TRIM33: variants seen among roughly 807,000 people sequenced by gnomAD.
TRIM33 encodes E3 ubiquitin-protein ligase TRIM33.
TRIM33 carries 20 observed loss-of-function variants against 125.4 expected under a neutral mutation model. That is an observed-to-expected ratio of 0.16 (90% CI 0.11 to 0.23). The LOEUF is 0.23. Among genes scored for constraint, TRIM33 ranks in the 10% least tolerant of loss-of-function variants. The pLI, the probability that TRIM33 is intolerant of heterozygous loss-of-function variation, is 1.00. For missense variants in TRIM33, 920 were observed against 1,411.4 expected (o/e 0.65, Z 5.58); for synonymous variants, 564 against 513.9 (o/e 1.10, Z -1.32).
chr1:114,440,590 T>C (rs778913989), intron 4 of TRIM33, among the ~76,000 whole-genome samples: 7 of 152,170 alleles, frequency 4.6e-5, no homozygotes, highest in Non-Finnish European at 1.0e-4. Context: ...CTTTGAACTT[T>C]TTTTGCTATC....
At chr1:114,499,053 A>G (rs1652554622) in intron 1 of TRIM33, among the ~76,000 whole-genome samples, 1 of 152,258 alleles carries the variant, frequency 6.6e-6, no homozygotes, top group Non-Finnish European at 1.5e-5. Flanking sequence ...TGTACAAAGG[A>G]GTAAAATCAG....
At chr1:114,422,186 T>TA (rs966538185) in intron 10 of TRIM33, among the ~76,000 whole-genome samples, 1 of 152,230 alleles carries the variant, frequency 6.6e-6, no homozygotes, top group African/African-American at 2.4e-5. Flanking sequence ...GAGGATCATT[T>TA]AAGACAATAT....
intron 18 of TRIM33, among the ~76,000 whole-genome samples, chr1:114,399,256 A>G (rs959126503): frequency 2.0e-5 from 3 of 152,126 alleles, no homozygotes; most frequent in African/African-American, 4.8e-5. Context: ...AATATTCTTA[A>G]TTTATTATAT....
intron 1 of TRIM33, among the ~76,000 whole-genome samples, chr1:114,466,774 A>G (rs1226759689): frequency 1.3e-5 from 2 of 152,068 alleles, no homozygotes; most frequent in Non-Finnish European, 2.9e-5. Context: ...GTATCTTTCA[A>G]CTAAATTAGG....
At chr1:114,421,067 C>T (rs1653251986) in intron 11 of TRIM33, among the ~76,000 whole-genome samples, 1 of 152,046 alleles carries the variant, frequency 6.6e-6, no homozygotes, top group South Asian at 2.1e-4. Context: ...GAAATTCTGT[C>T]ATCTTGCAAC....
At chr1:114,485,288 T>A (rs906538004) in intron 1 of TRIM33, among the ~76,000 whole-genome samples, 17 of 150,054 alleles carry the variant, frequency 1.1e-4, no homozygotes, top group South Asian at 1.1e-3. Context: ...ATTTTTTTTT[T>A]AAAACTAAAA....
chr1:114,448,478 A>C (rs1220096452), intron 4 of TRIM33, among the ~76,000 whole-genome samples: 1 of 152,222 alleles, frequency 6.6e-6, no homozygotes, highest in Non-Finnish European at 1.5e-5. Context: ...AGGAATTGAG[A>C]ATGTGACCTA....
chr1:114,407,982 T>A (rs1159463804), intron 13 of TRIM33, among the ~76,000 whole-genome samples: 1 of 152,154 alleles, frequency 6.6e-6, no homozygotes, highest in Non-Finnish European at 1.5e-5. Flanking sequence ...TAAACAATGA[T>A]TATTAACGGT....
intron 4 of TRIM33, among the ~76,000 whole-genome samples, chr1:114,455,167 C>T (rs1649549412): frequency 6.6e-6 from 1 of 152,056 alleles, no homozygotes; most frequent in Non-Finnish European, 1.5e-5. Context: ...AGGTTATTCC[C>T]AAGGGGACAG....
At chr1:114,427,932 T>A (rs759695090) in intron 6 of TRIM33, 38 bp from the exon 7 acceptor site, 2 of 1,603,570 alleles carry the variant, frequency 1.2e-6, no homozygotes, top group Non-Finnish European at 1.7e-6. Context: ...GAATTCCATA[T>A]GAAAAAAAAT....
chr1:114,467,373 G>A lies in TRIM33; in HGVS notation c.527-2985C>T, dbSNP rs144051640. 7.0e-3 allele frequency among the ~76,000 whole-genome samples: 1,068 copies of A among 152,286 alleles called. 8 individuals carry two copies. The highest frequency in any genetic ancestry group is 0.016 in the African/African-American group (666 of 41,558). ...AGGAAAAAGTGTTTTAGCCAGAAAT[G>A]TAATGAGTAAGTTTTGGATAGATGG... On this transcript the variant is annotated intron_variant, in intron 1 of 19. Coordinates refer to ENST00000358465, the MANE Select transcript of TRIM33 (RefSeq NM_015906.4).
chr1:114,415,663 T>C (rs981853120), intron 11 of TRIM33, among the ~76,000 whole-genome samples: 3 of 152,178 alleles, frequency 2.0e-5, no homozygotes, highest in South Asian at 4.1e-4. Context: ...TAGAAAACTG[T>C]CACCCGGCCA....
intron 11 of TRIM33, among the ~76,000 whole-genome samples, 168 bp downstream of exon 11, chr1:114,421,268 A>G (rs1191100522): frequency 6.6e-6 from 1 of 152,126 alleles, no homozygotes; most frequent in African/African-American, 2.4e-5. Context: ...GATGTTGATG[A>G]AAGTTTCACT....
At chr1:114,500,621 A>G (rs1652650958) in intron 1 of TRIM33, among the ~76,000 whole-genome samples, 1 of 151,390 alleles carries the variant, frequency 6.6e-6, no homozygotes. Flanking sequence ...AAAAAAAAAA[A>G]GGAGCAAAAG....
chr1:114,446,881 A>AC (rs1167037344), intron 4 of TRIM33, among the ~76,000 whole-genome samples: 1 of 152,056 alleles, frequency 6.6e-6, no homozygotes, highest in Non-Finnish European at 1.5e-5. Context: ...ACATGGCAAG[A>AC]CCCCATCTCT....
chr1:114,425,690 C>A lies in TRIM33; in HGVS notation c.1454G>T (p.Gly485Val). ...CCCAACTACAACATTAGGAGTATAA[C>A]CAGGAGCTGGTTTACTCTCTATTAC... ...NLVIESKPAP[G>V]YTPNVVVGQV... is the part of the protein sequence containing the mutation. The change falls in exon 9 of 20, where the codon GGT (glycine) becomes GTT (valine). Residue 485 changes from glycine (G) to valine (V), a missense_variant. Transcript: ENST00000358465. 1 of 1,613,712 alleles carries A rather than the reference C, an allele frequency of 6.2e-7. No homozygotes were observed.
At chr1:114,398,334 C>T (rs1651667401) in intron 18 of TRIM33, among the ~76,000 whole-genome samples, 1 of 152,140 alleles carries the variant, frequency 6.6e-6, no homozygotes. Flanking sequence ...AAACTTTCAA[C>T]AAACCACTTA....
intron 1 of TRIM33, among the ~76,000 whole-genome samples, chr1:114,479,880 G>A (rs1042519339): frequency 1.4e-4 from 12 of 87,176 alleles, no homozygotes; most frequent in African/African-American, 4.8e-4. Flanking sequence ...GCCTCCACCC[G>A]GCCGCCGCCC....
At position 114,510,969 on chromosome 1, in the gene TRIM33, C is replaced by T. The variant is rs758039539; in HGVS notation, c.108G>A (p.Pro36=). 1.5e-6 allele frequency: 2 copies of T among 1,374,980 alleles called. No individual in the cohort carries two copies. The highest frequency in any genetic ancestry group is 1.7e-5 in the South Asian group (1 of 60,390). The allele number at this position is 1,374,980 out of a possible 1,614,324, so 85.2% of individuals were successfully genotyped here. ...AAGPAAQEAE[P]PLTAVLVEEE... ...CCTCCACCAGCACCGCGGTGAGAGG[C>T]GGCTCCGCCTCCTGCGCGGCGGGCC... The change falls in exon 1 of 20, where the codon CCG becomes CCA. Residue 36 remains proline, a synonymous_variant. Coordinates refer to ENST00000358465, the MANE Select transcript of TRIM33 (RefSeq NM_015906.4).
Sources: gnomAD v4.1 joint callset for allele counts (sites outside exome capture counted in the v4.1 genomes callset) on GRCh38, gnomAD v4.1.1 for gene constraint, MANE v1.5 for transcripts, NCBI Gene and HGNC (gene_info 2026-07-23, HGNC 2026-07-21) for gene names.